TGFBR3: variants seen among roughly 807,000 people sequenced by gnomAD.
TGFBR3 encodes the protein transforming growth factor beta receptor 3, also known as transforming growth factor beta receptor type 3.
Under a neutral mutation model 87.9 loss-of-function variants are expected in TGFBR3, and 46 were observed. The ratio of observed to expected loss-of-function variants is 0.52; its 90% CI spans 0.41 to 0.67. The LOEUF (loss-of-function observed/expected upper bound fraction) is 0.67, where lower values mean the gene tolerates loss of function less well. Among genes scored for constraint, TGFBR3 ranks in the 30% least tolerant of loss-of-function variants. TGFBR3 has a pLI of 0.00. For synonymous variants in TGFBR3, 381 were observed against 391.6 expected (o/e 0.97, Z 0.32); for missense variants, 866 against 1,041.9 (o/e 0.83, Z 2.32).
At chr1:91,774,505 T>C (rs969146704) in intron 3 of TGFBR3, among the ~76,000 whole-genome samples, 1 of 152,104 alleles carries the variant, frequency 6.6e-6, no homozygotes. Context: ...TTTATTGAAA[T>C]ATAAGTTTCC....
intron 1 of TGFBR3, among the ~76,000 whole-genome samples, chr1:91,878,683 T>G (rs1231664104): frequency 6.6e-6 from 1 of 152,230 alleles, no homozygotes; most frequent in East Asian, 1.9e-4. Flanking sequence ...GATCATTTTC[T>G]AAAGATCATT....
chr1:91,792,983 T>C (rs1215511716), intron 3 of TGFBR3, among the ~76,000 whole-genome samples: 1 of 152,176 alleles, frequency 6.6e-6, no homozygotes, highest in African/African-American at 2.4e-5. Context: ...ATACAATAGG[T>C]CTACTCTGAC....
At chr1:91,781,787 A>G (rs930833356) in intron 3 of TGFBR3, among the ~76,000 whole-genome samples, 2 of 152,144 alleles carry the variant, frequency 1.3e-5, no homozygotes, top group African/African-American at 2.4e-5. Flanking sequence ...GATCATTTCC[A>G]TATTTGGAAA....
At chr1:91,830,380 G>A (rs1020709502) in intron 2 of TGFBR3, among the ~76,000 whole-genome samples, 2 of 152,158 alleles carry the variant, frequency 1.3e-5, no homozygotes, top group Admixed American at 1.3e-4. Flanking sequence ...TGGCAATCTG[G>A]CAGGCAGTCG....
intron 2 of TGFBR3, among the ~76,000 whole-genome samples, chr1:91,895,585 G>A (rs1312080693): frequency 6.6e-6 from 1 of 152,156 alleles, no homozygotes; most frequent in African/African-American, 2.4e-5. Flanking sequence ...GCCTCCCAAA[G>A]TGCTGGGATT....
intron 2 of TGFBR3, among the ~76,000 whole-genome samples, chr1:91,818,424 G>A (rs901419249): frequency 1.3e-5 from 2 of 151,558 alleles, no homozygotes; most frequent in African/African-American, 4.9e-5. Flanking sequence ...GCACAGTTGT[G>A]GCTGGAAACC....
chr1:91,797,221 TTC>T, intron 3 of TGFBR3, 64 bp downstream of exon 3: 1 of 1,554,828 alleles, frequency 6.4e-7, no homozygotes. Context: ...AGAAAAGGAC[TTC>T]TGTCCAGAAA....
chr1:91,757,116 GTGTCT>G (rs1224709548), intron 4 of TGFBR3, among the ~76,000 whole-genome samples: 1 of 152,160 alleles, frequency 6.6e-6, no homozygotes, highest in Non-Finnish European at 1.5e-5. Context: ...AGGATCACAT[GTGTCT>G]TGTCTTTTTG....
At chr1:91,887,378 A>G, upstream of TGFBR3, among the ~76,000 whole-genome samples, 1 of 151,078 alleles carries the variant, frequency 6.6e-6, no homozygotes, top group Non-Finnish European at 1.5e-5. Context: ...CAGCCTCCTG[A>G]GTAGCTGGGA....
chr1:91,724,307 T>C (rs1031310716), intron 7 of TGFBR3, among the ~76,000 whole-genome samples: 4 of 152,248 alleles, frequency 2.6e-5, no homozygotes, highest in Non-Finnish European at 5.9e-5. Flanking sequence ...GAACTTTTTA[T>C]GCATTCAGTC....
chr1:91,811,695 A>G (rs2101039778), intron 2 of TGFBR3, among the ~76,000 whole-genome samples: 1 of 152,216 alleles, frequency 6.6e-6, no homozygotes, highest in East Asian at 1.9e-4. Context: ...AAAGTACTGT[A>G]CTATTATTGT....
intron 2 of TGFBR3, among the ~76,000 whole-genome samples, chr1:91,800,578 T>C (rs888744165): frequency 8.6e-5 from 13 of 151,876 alleles, no homozygotes; most frequent in African/African-American, 2.9e-4. Context: ...AGTGTGTTCC[T>C]GACCATCTGA....
At chr1:91,787,161 C>T (rs34547005) in intron 3 of TGFBR3, among the ~76,000 whole-genome samples, 4,869 of 152,000 alleles carry the variant, frequency 0.032, 99 homozygotes, top group Middle Eastern at 0.048. Flanking sequence ...ATTAGCTGGG[C>T]GTGGTGGCAC....
chr1:91,834,848 T>C (rs1398802105), intron 2 of TGFBR3, among the ~76,000 whole-genome samples: 2 of 152,066 alleles, frequency 1.3e-5, no homozygotes, highest in Non-Finnish European at 2.9e-5. Context: ...CCAGCTAATT[T>C]TTTGCATTTT....
At chr1:91,710,006 C>T (rs1671925031) in intron 13 of TGFBR3, among the ~76,000 whole-genome samples, 1 of 152,160 alleles carries the variant, frequency 6.6e-6, no homozygotes, top group Non-Finnish European at 1.5e-5. Context: ...CCAAGCTCAG[C>T]CTCCCAAAGT....
intron 2 of TGFBR3, among the ~76,000 whole-genome samples, chr1:91,847,680 A>G (rs1403458323): frequency 6.6e-6 from 1 of 151,762 alleles, no homozygotes; most frequent in Admixed American, 6.6e-5. Flanking sequence ...CCCTGCTAGC[A>G]GAAATGAGGT....
chr1:91,700,020 A>T (rs1423492877), intron 14 of TGFBR3, among the ~76,000 whole-genome samples: 2 of 152,234 alleles, frequency 1.3e-5, no homozygotes, highest in African/African-American at 2.4e-5. Flanking sequence ...AATTATATGA[A>T]ATTCAAATTG....
chr1:91,877,334 G>A lies in TGFBR3; in HGVS notation c.-114+8544C>T, dbSNP rs559562434. On this transcript the variant is annotated intron_variant, in intron 1 of 16. Coordinates refer to ENST00000212355, the MANE Select transcript of TGFBR3 (RefSeq NM_003243.5). ...CTTCATATTTTCTTTTTTTGTGTGT[G>A]TGGTGGGGGTAGGGACAAGGTCTCA... Among the ~76,000 whole-genome samples the A allele has an allele frequency of 4.6e-5, 7 of 151,788 alleles. No individual in the cohort carries two copies. In the South Asian group the frequency reaches 1.5e-3, roughly 32 times the overall value.
At chr1:91,735,079 A>G in intron 4 of TGFBR3, 120 bp from the exon 5 acceptor site, 1 of 1,159,406 alleles carries the variant, frequency 8.6e-7, no homozygotes, top group East Asian at 2.4e-5. Context: ...TTGTTATACA[A>G]GCAGATCAGC....
Sources: allele counts gnomAD v4.1 joint callset (sites outside exome capture counted in the v4.1 genomes callset), GRCh38; gene constraint gnomAD v4.1.1; transcripts MANE v1.5; gene names NCBI Gene and HGNC (gene_info 2026-07-23, HGNC 2026-07-21).